Variants in PCDHGB7 observed in about 807,000 individuals in gnomAD.
PCDHGB7 encodes protocadherin gamma subfamily B, 7, also known as protocadherin gamma-B7.
In PCDHGB7, 37 loss-of-function variants were observed where a neutral mutation model predicts 61.4. The ratio of observed to expected loss-of-function variants is 0.60; its 90% CI spans 0.46 to 0.79. The LOEUF is 0.79. PCDHGB7 is among the 30% of genes least tolerant of loss of function. The pLI is 0.00. For missense variants in PCDHGB7, 1,166 were observed against 1,202.5 expected (o/e 0.97, Z 0.45); for synonymous variants, 464 against 503.5 (o/e 0.92, Z 1.05).
chr5:141,434,920 A>C (rs927245955), intron 1 of PCDHGB7, among the ~76,000 whole-genome samples: 1 of 151,796 alleles, frequency 6.6e-6, no homozygotes. Flanking sequence ...ATTTATGTAC[A>C]TATATTTTAT....
Position 141,462,070 on chromosome 5 carries a change from G to A in PCDHGB7, c.2416-32737G>A, listed in dbSNP as rs572217894. Among the ~76,000 whole-genome samples the A allele has an allele frequency of 2.6e-5, 4 of 152,196 alleles. No homozygotes were observed. In the East Asian group the frequency reaches 7.7e-4, roughly 29 times the overall value. Reference sequence around the variant, plus strand: ...ACTCCCGACCTCAGGTGATCTGCCCGCCTTGGCCTCCCAAAATGCTGGGAT... The same window carrying A: ...ACTCCCGACCTCAGGTGATCTGCCCACCTTGGCCTCCCAAAATGCTGGGAT... On this transcript the variant is annotated intron_variant, in intron 1 of 3. Transcript: ENST00000398594.
intron 2 of PCDHGB7, among the ~76,000 whole-genome samples, chr5:141,503,518 G>A (rs576791899): frequency 6.7e-6 from 1 of 149,524 alleles, no homozygotes; most frequent in East Asian, 2.0e-4. Flanking sequence ...AGAATCACTT[G>A]AACCTGGGAG....
In PCDHGB7 at chr5:141,430,937, G is replaced by C. The variant is rs888990395; in HGVS notation, c.2415+10663G>C. ...CCTGGGGCTGGAGCCCCGGGAGCTC[G>C]CGGAGCGCGGAGTCCGCATCATCCC... On this transcript the variant is annotated intron_variant, in intron 1 of 3. Coordinates refer to ENST00000398594, the MANE Select transcript of PCDHGB7 (RefSeq NM_018927.4). The C allele has an allele frequency of 8.7e-6, 14 of 1,607,498 alleles. No individual in the cohort carries two copies. The highest frequency in any genetic ancestry group is 1.7e-5 in the Admixed American group (1 of 58,732).
In PCDHGB7 at chr5:141,499,962, A is replaced by G. The variant is rs147527188; in HGVS notation, c.2474+5097A>G. Among the ~76,000 whole-genome samples the G allele has an allele frequency of 3.7e-3, 563 of 152,178 alleles. 5 individuals are homozygous for G. Among genetic ancestry groups the G allele is most frequent in the Admixed American group, 0.011 (164 of 15,288 alleles). On this transcript the variant is annotated intron_variant, in intron 2 of 3. Coordinates refer to ENST00000398594, the MANE Select transcript of PCDHGB7 (RefSeq NM_018927.4). ...CTCGGCCTCCCAAAATGTTGGGATT[A>G]CAGGTGTGAGCCACCTTGCCCGGCC...
chr5:141,422,018 T>C, intron 1 of PCDHGB7: 1 of 1,610,840 alleles, frequency 6.2e-7, no homozygotes, highest in Non-Finnish European at 8.5e-7. Context: ...CGGGTGCTGA[T>C]GGTTAATGCA....
chr5:141,464,260 G>A (rs546781463), intron 1 of PCDHGB7, among the ~76,000 whole-genome samples: 1 of 131,668 alleles, frequency 7.6e-6, no homozygotes, highest in Non-Finnish European at 1.6e-5. Flanking sequence ...GCGAGACTCC[G>A]TCTAAAAAAA....
At chr5:141,423,755 G>GT (rs542747697) in intron 1 of PCDHGB7, 5 of 512,416 alleles carry the variant, frequency 9.8e-6, no homozygotes, top group Admixed American at 7.1e-5. Context: ...CTGTTTGGGG[G>GT]GGGGGTGGGG....
In PCDHGB7 at chr5:141,421,099, G is replaced by A. The variant is rs941392242; in HGVS notation, c.2415+825G>A. ...GATACTCACAGATCCTGACACTGGA[G>A]ACTTAGAAGTATTTTCCTTCGCTTT... is the stretch of plus-strand genomic sequence containing the variant. On this transcript the variant is annotated intron_variant, in intron 1 of 3. Coordinates refer to ENST00000398594, the MANE Select transcript of PCDHGB7 (RefSeq NM_018927.4). 1.2e-5 allele frequency: 8 copies of A among 680,384 alleles called. No individual in the cohort carries two copies. In the Admixed American group the frequency reaches 1.2e-4, roughly 11 times the overall value. 42.1% of individuals were successfully genotyped at this position (680,384 alleles called of 1,614,324 possible).
intron 2 of PCDHGB7, among the ~76,000 whole-genome samples, chr5:141,496,767 T>C (rs2099771224): frequency 6.6e-6 from 1 of 152,040 alleles, no homozygotes; most frequent in Non-Finnish European, 1.5e-5. Flanking sequence ...ATCGAGCATC[T>C]ACTATGAGCA....
chr5:141,499,404 T>G (rs1468724077), intron 2 of PCDHGB7, among the ~76,000 whole-genome samples: 3 of 152,178 alleles, frequency 2.0e-5, no homozygotes, highest in African/African-American at 7.2e-5. Context: ...ACATGCTCAT[T>G]ATAGAAACAT....
At position 141,487,571 on chromosome 5, in the gene PCDHGB7, G is replaced by A; in HGVS notation, c.2416-7236G>A. The A allele has an allele frequency of 4.3e-6, 7 of 1,614,178 alleles. No individual in the cohort carries two copies. The highest frequency in any genetic ancestry group is 5.9e-6 in the Non-Finnish European group (7 of 1,180,038). On this transcript the variant is annotated intron_variant, in intron 1 of 3. Coordinates refer to ENST00000398594, the MANE Select transcript of PCDHGB7 (RefSeq NM_018927.4). This position sits in a 1 kb window ranked among gnomAD's most constrained non-coding sequence, Gnocchi z 5.0. ...CAGTGCACCTATGGCAGGGGAGCCTGTTCGCCCAAGCTGCCCACCCTCTGA... is the reference window on the plus strand; with the variant it reads ...CAGTGCACCTATGGCAGGGGAGCCTATTCGCCCAAGCTGCCCACCCTCTGA...
At chr5:141,426,667 A>G in intron 1 of PCDHGB7, 2 of 430,860 alleles carry the variant, frequency 4.6e-6, no homozygotes, top group Non-Finnish European at 9.5e-6. Context: ...ATAAATGATA[A>G]CCCACCTCAT....
chr5:141,445,564 G>A (rs564704836), intron 1 of PCDHGB7, among the ~76,000 whole-genome samples: 20 of 152,306 alleles, frequency 1.3e-4, no homozygotes, highest in Admixed American at 1.2e-3. Context: ...CTAAGAGAAA[G>A]CTTATAGTAG....
chr5:141,505,338 G>T, intron 2 of PCDHGB7, 55 bp from the exon 3 acceptor site: 1 of 1,612,254 alleles, frequency 6.2e-7, no homozygotes, highest in South Asian at 1.1e-5. Flanking sequence ...GGACAGGAGG[G>T]GCATGAGCTG....
Position 141,510,942 on chromosome 5 carries a change from T to C in PCDHGB7, c.2564-5T>C, listed in dbSNP as rs769766039. On this transcript the variant is annotated splice_region_variant and splice_polypyrimidine_tract_variant and intron_variant, in intron 3 of 3. Transcript: ENST00000398594. ...CTCCCACCTGATCTTCCTCTGTCTCTGCAGAAGCTGCTGATGGGAGCTCCA... is the reference window on the plus strand; with the variant it reads ...CTCCCACCTGATCTTCCTCTGTCTCCGCAGAAGCTGCTGATGGGAGCTCCA... 5 of 1,613,984 alleles carry C rather than the reference T, an allele frequency of 3.1e-6. No homozygotes were observed. The highest frequency in any genetic ancestry group is 4.2e-6 in the Non-Finnish European group (5 of 1,180,014).
intron 1 of PCDHGB7, among the ~76,000 whole-genome samples, chr5:141,472,980 C>CAAAAA (rs60579131): frequency 1.7e-4 from 15 of 86,092 alleles, no homozygotes; most frequent in East Asian, 4.1e-4. Context: ...GAGTGAAACT[C>CAAAAA]AAAAAAAAAA....
chr5:141,420,458 C>A, intron 1 of PCDHGB7, 184 bp downstream of exon 1: 3 of 925,194 alleles, frequency 3.2e-6, no homozygotes, highest in Non-Finnish European at 2.9e-6. Context: ...TCCTACTATT[C>A]AAAGACATTT....
In PCDHGB7 at chr5:141,489,094, G is replaced by T; in HGVS notation, c.2416-5713G>T. The T allele has an allele frequency of 1.5e-5, 6 of 395,994 alleles. No homozygotes were observed. The highest frequency in any genetic ancestry group is 4.1e-5 in the East Asian group (1 of 24,388). The allele number at this position is 395,994 out of a possible 1,614,324, so 24.5% of individuals were successfully genotyped here. ...CCCACCCCCGCCACTCGGTGACTAA[G>T]AACTGCTGCAAGCAGGCAAACCTCC... On this transcript the variant is annotated intron_variant, in intron 1 of 3. Coordinates refer to ENST00000398594, the MANE Select transcript of PCDHGB7 (RefSeq NM_018927.4). This position sits in a 1 kb window ranked among gnomAD's most constrained non-coding sequence, Gnocchi z 4.5.
chr5:141,421,195 G>C (rs1305388921), intron 1 of PCDHGB7: 2 of 1,504,878 alleles, frequency 1.3e-6, no homozygotes, highest in Non-Finnish European at 1.8e-6. Context: ...CAACCAGCTC[G>C]AGAAACCGCG....
Sources: gnomAD v4.1 joint callset for allele counts (sites outside exome capture counted in the v4.1 genomes callset) on GRCh38, gnomAD v4.1.1 for gene constraint, Gnocchi (gnomAD v3.1) non-coding constraint, MANE v1.5 for transcripts, NCBI Gene and HGNC (gene_info 2026-07-23, HGNC 2026-07-21) for gene names.